Variants in KCNQ1OT1 observed in about 807,000 individuals in gnomAD.
The protein encoded by KCNQ1OT1 is KCNQ1 opposite strand/antisense transcript 1, also known as KCNQ1 antisense RNA 2 (non-protein coding).
At position 2,678,613 on chromosome 11, in the gene KCNQ1OT1, C is replaced by A. The variant is rs1850334688; in HGVS notation, n.21382G>T. Reference sequence around the variant, plus strand: ...TGTGTAGCAGGACTCCCCCTCATCTCCATTACTTAAGAGCCAATAATGGGA... The same window carrying A: ...TGTGTAGCAGGACTCCCCCTCATCTACATTACTTAAGAGCCAATAATGGGA... On this transcript the variant is annotated non_coding_transcript_exon_variant, in exon 1 of 1. Transcript: ENST00000597346. This position sits in a 1 kb window ranked among gnomAD's most constrained non-coding sequence, Gnocchi z 4.9. 5.0e-6 allele frequency: 2 copies of A among 398,490 alleles called. No homozygotes were observed. The highest frequency in any genetic ancestry group is 6.3e-4 in the Middle Eastern group (1 of 1,588). 24.7% of individuals were successfully genotyped at this position (398,490 alleles called of 1,614,324 possible). A position where few individuals can be genotyped will look rare whatever the true frequency, so the allele number is the denominator to read the frequency against.
Position 2,691,566 on chromosome 11 carries a change from C to T in KCNQ1OT1, n.8429G>A, listed in dbSNP as rs1171493041. Reference sequence around the variant, plus strand: ...TCTCTATCCTGAGGTTATGAAATACCTCAGCAAGGACGAGGCCTCCCTGAG... The same window carrying T: ...TCTCTATCCTGAGGTTATGAAATACTTCAGCAAGGACGAGGCCTCCCTGAG... On this transcript the variant is annotated non_coding_transcript_exon_variant, in exon 1 of 1. Transcript: ENST00000597346. The surrounding 1 kb of genome is among the most constrained non-coding windows in gnomAD (Gnocchi z 6.4). 2 of 398,426 alleles carry T rather than the reference C, an allele frequency of 5.0e-6. No homozygotes were observed. Among genetic ancestry groups the T allele is most frequent in the African/African-American group, 4.1e-5 (2 of 48,586 alleles). 24.7% of individuals were successfully genotyped at this position (398,426 alleles called of 1,614,324 possible). A position where few individuals can be genotyped will look rare whatever the true frequency, so the allele number is the denominator to read the frequency against.
rs1238443414 is a variant in KCNQ1OT1, at chr11:2,626,620, C to T, written n.73375G>A. The stretch of plus-strand genomic sequence containing the variant: ...CACTGCTTACTGCCACCTCAATCTC[C>T]CAGGCTCAAGCAATCCTCCCACCTC... On this transcript the variant is annotated non_coding_transcript_exon_variant, in exon 1 of 1. Transcript: ENST00000597346. This position sits in a 1 kb window ranked among gnomAD's most constrained non-coding sequence, Gnocchi z 4.0. 9 of 398,508 alleles carry T rather than the reference C, an allele frequency of 2.3e-5. No individual in the cohort carries two copies. Among genetic ancestry groups the T allele is most frequent in the African/African-American group, 4.1e-5 (2 of 48,620 alleles). 24.7% of individuals were successfully genotyped at this position (398,508 alleles called of 1,614,324 possible). A position where few individuals can be genotyped will look rare whatever the true frequency, so the allele number is the denominator to read the frequency against.
chr11:2,669,570 G>A lies in KCNQ1OT1; in HGVS notation n.30425C>T, dbSNP rs969981391. Reference sequence around the variant, plus strand: ...TCTGTCAGGGAGCCCTGGCCAGCTTGGGTCATTTCATCCTGCCCACAGGAC... The same window carrying A: ...TCTGTCAGGGAGCCCTGGCCAGCTTAGGTCATTTCATCCTGCCCACAGGAC... On this transcript the variant is annotated non_coding_transcript_exon_variant, in exon 1 of 1. Coordinates refer to ENST00000597346, the Ensembl canonical transcript of KCNQ1OT1. This position sits in a 1 kb window ranked among gnomAD's most constrained non-coding sequence, Gnocchi z 5.6. 1 of 398,486 alleles carries A rather than the reference G, an allele frequency of 2.5e-6. No individual in the cohort carries two copies. Among genetic ancestry groups the A allele is most frequent in the Non-Finnish European group, 4.4e-6 (1 of 226,082 alleles). The allele number at this position is 398,486 out of a possible 1,614,324, so 24.7% of individuals were successfully genotyped here.
exon 1 of KCNQ1OT1, chr11:2,625,717 C>T (rs986706029): frequency 7.6e-6 from 3 of 397,282 alleles, no homozygotes; most frequent in Admixed American, 4.4e-5. Context: ...CTACAGGCGC[C>T]CACCACCACG....
chr11:2,669,801 C>T lies in KCNQ1OT1; in HGVS notation n.30194G>A. The T allele has an allele frequency of 2.5e-6, 1 of 398,616 alleles. No individual in the cohort carries two copies. Among genetic ancestry groups the T allele is most frequent in the African/African-American group, 2.1e-5 (1 of 48,732 alleles). 24.7% of individuals were successfully genotyped at this position (398,616 alleles called of 1,614,324 possible). ...CCTGTGGGGACATTCCTTATTTGGCCTGAGAGCTTTTGAGACTGCCAGGTC... is the reference window on the plus strand; with the variant it reads ...CCTGTGGGGACATTCCTTATTTGGCTTGAGAGCTTTTGAGACTGCCAGGTC... On this transcript the variant is annotated non_coding_transcript_exon_variant, in exon 1 of 1. Coordinates refer to ENST00000597346, the Ensembl canonical transcript of KCNQ1OT1. This position sits in a 1 kb window ranked among gnomAD's most constrained non-coding sequence, Gnocchi z 5.6.
chr11:2,644,885 TCTGG>T (rs1849643214), exon 1 of KCNQ1OT1: 1 of 398,704 alleles, frequency 2.5e-6, no homozygotes, highest in African/African-American at 2.1e-5. Flanking sequence ...TGTGGTAAAG[TCTGG>T]CTGGGGATAG....
exon 1 of KCNQ1OT1, chr11:2,618,713 T>TA (rs1369520009): frequency 7.5e-6 from 3 of 398,426 alleles, no homozygotes; most frequent in East Asian, 3.6e-5. Flanking sequence ...CTTTAGAATT[T>TA]AAAAAAATTT....
rs192425187 is a variant in KCNQ1OT1 at position 2,626,164 on chromosome 11, A to T, written n.73831T>A. The T allele has an allele frequency of 2.6e-6, 1 of 382,356 alleles. No individual in the cohort carries two copies. Among genetic ancestry groups the T allele is most frequent in the African/African-American group, 2.8e-5 (1 of 35,250 alleles). 23.7% of individuals were successfully genotyped at this position (382,356 alleles called of 1,614,324 possible). On this transcript the variant is annotated non_coding_transcript_exon_variant, in exon 1 of 1. Coordinates refer to ENST00000597346, the Ensembl canonical transcript of KCNQ1OT1. This position sits in a 1 kb window ranked among gnomAD's most constrained non-coding sequence, Gnocchi z 4.0. ...GCCAATGATGTAAAGTTTTTCCCCT[A>T]TGTTTCCTTATAAGACTTCATAGTT...
exon 1 of KCNQ1OT1, chr11:2,688,155 C>G (rs1850523824): frequency 2.5e-6 from 1 of 398,824 alleles, no homozygotes; most frequent in Non-Finnish European, 4.4e-6. Flanking sequence ...CCACGCAGCT[C>G]CCTAGGCCTC....
rs1850378951 is a variant in KCNQ1OT1, at chr11:2,680,570, A to C, written n.19425T>G. On this transcript the variant is annotated non_coding_transcript_exon_variant, in exon 1 of 1. Transcript: ENST00000597346. ...AAGAAACAACACAGAGAAATCTTAC[A>C]TACTCCTTTACCTAGTCTCCCCCGA... 10 of 398,540 alleles carry C rather than the reference A, an allele frequency of 2.5e-5. No individual in the cohort carries two copies. In the East Asian group the frequency reaches 3.6e-4, roughly 14 times the overall value. The allele number at this position is 398,540 out of a possible 1,614,324, so 24.7% of individuals were successfully genotyped here.
exon 1 of KCNQ1OT1, chr11:2,699,967 C>T (rs976493621): frequency 3.8e-5 from 15 of 398,210 alleles, no homozygotes; most frequent in Non-Finnish European, 6.2e-5. Context: ...CCTGGAGGTC[C>T]GTGCTGAGGC....
chr11:2,662,172 C>T, exon 1 of KCNQ1OT1: 2 of 1,563,052 alleles, frequency 1.3e-6, no homozygotes, highest in Non-Finnish European at 8.8e-7. Flanking sequence ...TGCTCTCTGG[C>T]CAGAGTGCTA....
At chr11:2,643,533 T>C (rs1299275283) in exon 1 of KCNQ1OT1, 1 of 398,424 alleles carries the variant, frequency 2.5e-6, no homozygotes, top group East Asian at 3.6e-5. Flanking sequence ...TTCTTTCAAC[T>C]ATGTGTCTTT....
At chr11:2,614,937 CT>C (rs1849037172) in exon 1 of KCNQ1OT1, 1 of 398,226 alleles carries the variant, frequency 2.5e-6, no homozygotes, top group Non-Finnish European at 4.4e-6. Flanking sequence ...TAAAAAGGCC[CT>C]TGGGATTTTG....
chr11:2,699,445 A>G (rs12277353), exon 1 of KCNQ1OT1: 105,048 of 402,258 alleles, frequency 0.26, 14,828 homozygotes, highest in African/African-American at 0.42. Context: ...GGAGAACCGC[A>G]CTGAGGAGCC....
chr11:2,662,451 C>A, exon 1 of KCNQ1OT1: 1 of 484,352 alleles, frequency 2.1e-6, no homozygotes, highest in Non-Finnish European at 3.6e-6. Context: ...TGGCCAAAGC[C>A]ATGGGGCAGA....
rs1849733485 is a variant in KCNQ1OT1 at position 2,650,028 on chromosome 11, G to C, written n.49967C>G. ...CTGTCTGGTTTATTGCAAAACACCT[G>C]TCTTCAAATTTAGAAATTATTTCTT... On this transcript the variant is annotated non_coding_transcript_exon_variant, in exon 1 of 1. Transcript: ENST00000597346. 5 of 398,346 alleles carry C rather than the reference G, an allele frequency of 1.3e-5. No individual in the cohort carries two copies. The East Asian group carries it at 1.8e-4, about 14-fold the overall frequency. 24.7% of individuals were successfully genotyped at this position (398,346 alleles called of 1,614,324 possible). A position where few individuals can be genotyped will look rare whatever the true frequency, so the allele number is the denominator to read the frequency against.
Position 2,647,154 on chromosome 11 carries a change from T to C in KCNQ1OT1, n.52841A>G. 2.5e-6 allele frequency: 1 copy of C among 398,358 alleles called. No homozygotes were observed. The highest frequency in any genetic ancestry group is 4.4e-6 in the Non-Finnish European group (1 of 226,034). 24.7% of individuals were successfully genotyped at this position (398,358 alleles called of 1,614,324 possible). On this transcript the variant is annotated non_coding_transcript_exon_variant, in exon 1 of 1. Transcript: ENST00000597346. The surrounding 1 kb of genome is among the most constrained non-coding windows in gnomAD (Gnocchi z 4.0). Reference sequence around the variant, plus strand: ...ATTGAGTTATGTTCCTTCTAGACATTATGTGATGAGCTTTTTTTTTTATCA... The same window carrying C: ...ATTGAGTTATGTTCCTTCTAGACATCATGTGATGAGCTTTTTTTTTTATCA...
chr11:2,662,097 TGCGTGAAGG>T, exon 1 of KCNQ1OT1: 1 of 1,614,122 alleles, frequency 6.2e-7, no homozygotes, highest in East Asian at 2.2e-5. Flanking sequence ...TGCCTACATG[TGCGTGAAGG>T]GCTGGGCTGG....
Sources: allele counts gnomAD v4.1 joint callset, GRCh38; gene constraint gnomAD v4.1.1; non-coding constraint Gnocchi (gnomAD v3.1); transcripts MANE v1.5; gene names NCBI Gene and HGNC (gene_info 2026-07-23, HGNC 2026-07-21).